The following GALNTL6 variants were observed in gnomAD, a reference collection of about 807,000 sequenced individuals.
The protein encoded by GALNTL6 is polypeptide N-acetylgalactosaminyltransferase-like 6.
Under a neutral mutation model 73.7 loss-of-function variants are expected in GALNTL6, and 46 were observed. The ratio of observed to expected loss-of-function variants is 0.62; its 90% CI spans 0.49 to 0.80. The LOEUF is 0.80. Ranked by LOEUF, GALNTL6 falls within the 30% of genes least tolerant of loss-of-function variation. The pLI is 0.00. For synonymous variants in GALNTL6, 259 were observed against 263.7 expected, an observed-to-expected ratio of 0.98 and a Z score of 0.17; for missense variants, 604 against 755.0, an observed-to-expected ratio of 0.80 and a Z score of 2.34.
chr4:172,311,511 G>A (rs1372180724), intron 3 of GALNTL6, 103 bp from the exon 4 acceptor site: 14 of 878,614 alleles, frequency 1.6e-5, no homozygotes, highest in Non-Finnish European at 2.0e-5. Context: ...CTTCTGCAGA[G>A]CACAGCAATA....
intron 5 of GALNTL6, among the ~76,000 whole-genome samples, chr4:172,568,030 A>G (rs1218120764): frequency 6.6e-6 from 1 of 152,220 alleles, no homozygotes; most frequent in South Asian, 2.1e-4. Context: ...CTTAATTCAC[A>G]CCCAGAAGAC....
At chr4:172,053,283 T>TA (rs66918444) in intron 2 of GALNTL6, among the ~76,000 whole-genome samples, 2 of 152,102 alleles carry the variant, frequency 1.3e-5, no homozygotes, top group South Asian at 4.1e-4. Flanking sequence ...GGTGTTTTTT[T>TA]AAAAAAAACA....
At chr4:172,630,919 G>A (rs1339056600) in intron 5 of GALNTL6, among the ~76,000 whole-genome samples, 1 of 151,010 alleles carries the variant, frequency 6.6e-6, no homozygotes, top group Non-Finnish European at 1.5e-5. Flanking sequence ...AAAGAAAATT[G>A]GCCAACAGAA....
intron 2 of GALNTL6, among the ~76,000 whole-genome samples, chr4:172,105,805 T>C (rs1732658829): frequency 6.6e-6 from 1 of 152,080 alleles, no homozygotes; most frequent in Admixed American, 6.5e-5. Context: ...CATGTTGAAA[T>C]AAGCAGCATG....
intron 5 of GALNTL6, among the ~76,000 whole-genome samples, chr4:172,447,764 G>A (rs1267881236): frequency 6.6e-6 from 1 of 152,062 alleles, no homozygotes; most frequent in Non-Finnish European, 1.5e-5. Context: ...ACTGCTTAAT[G>A]TGGGTCAGAG....
chr4:172,121,310 C>T (rs1181668671), intron 2 of GALNTL6, among the ~76,000 whole-genome samples: 1 of 133,074 alleles, frequency 7.5e-6, no homozygotes, highest in Admixed American at 7.5e-5. Context: ...TTTGTAATTA[C>T]ATTTGCACAA....
At chr4:172,695,796 GAA>G (rs1343008051) in intron 5 of GALNTL6, among the ~76,000 whole-genome samples, 1 of 151,720 alleles carries the variant, frequency 6.6e-6, no homozygotes, top group Non-Finnish European at 1.5e-5. Flanking sequence ...AAATTACAAA[GAA>G]AAAAATTAGC....
intron 2 of GALNTL6, among the ~76,000 whole-genome samples, chr4:172,219,199 G>GTATATATATATATATATATATA (rs34783084): frequency 0.036 from 4,162 of 115,080 alleles, 166 homozygotes; most frequent in Middle Eastern, 0.042. Flanking sequence ...TTAAGCAAGT[G>GTATATATATATATATATATATA]TATATATATA....
intron 5 of GALNTL6, among the ~76,000 whole-genome samples, chr4:172,626,999 C>A (rs1395988618): frequency 6.6e-6 from 1 of 151,926 alleles, no homozygotes; most frequent in Admixed American, 6.6e-5. Context: ...ATATCTCTTG[C>A]CTGATTGCTT....
intron 2 of GALNTL6, among the ~76,000 whole-genome samples, chr4:171,880,405 C>G (rs998334200): frequency 1.3e-5 from 2 of 152,218 alleles, no homozygotes; most frequent in Non-Finnish European, 2.9e-5. Context: ...CCATATGAAT[C>G]AGATGTTTGT....
intron 5 of GALNTL6, among the ~76,000 whole-genome samples, chr4:172,722,826 C>T (rs1735563417): frequency 6.6e-6 from 1 of 152,120 alleles, no homozygotes; most frequent in East Asian, 1.9e-4. Flanking sequence ...AATTTAGCAA[C>T]ATGTTGGAGA....
At chr4:172,014,904 T>C (rs1741137298) in intron 2 of GALNTL6, among the ~76,000 whole-genome samples, 1 of 152,104 alleles carries the variant, frequency 6.6e-6, no homozygotes, top group African/African-American at 2.4e-5. Context: ...TCCACAGTGG[T>C]CTGAGAGGGT....
chr4:171,989,918 G>A (rs1232574677), intron 2 of GALNTL6, among the ~76,000 whole-genome samples: 1 of 152,136 alleles, frequency 6.6e-6, no homozygotes, highest in Non-Finnish European at 1.5e-5. Flanking sequence ...AAAGAAAAAG[G>A]AGCATTAACC....
At chr4:172,884,698 C>T (rs1053626862) in intron 8 of GALNTL6, among the ~76,000 whole-genome samples, 1 of 152,128 alleles carries the variant, frequency 6.6e-6, no homozygotes, top group East Asian at 1.9e-4. Flanking sequence ...TGTGCCCAGA[C>T]CAATGTCCTG....
chr4:172,610,819 T>A (rs753748312), intron 5 of GALNTL6, among the ~76,000 whole-genome samples: 12 of 152,176 alleles, frequency 7.9e-5, no homozygotes, highest in Non-Finnish European at 1.8e-4. Flanking sequence ...TGTGGGAGTC[T>A]AAGGCTTTTT....
intron 5 of GALNTL6, among the ~76,000 whole-genome samples, chr4:172,594,697 G>C (rs962552443): frequency 2.5e-4 from 38 of 152,062 alleles, no homozygotes; most frequent in African/African-American, 8.2e-4. Context: ...ATTTTAATTT[G>C]AAAAAGGATC....
At chr4:172,122,628 C>T (rs1733183324) in intron 2 of GALNTL6, among the ~76,000 whole-genome samples, 1 of 152,146 alleles carries the variant, frequency 6.6e-6, no homozygotes, top group Non-Finnish European at 1.5e-5. Context: ...TAGAGGAGTA[C>T]ACATGCTCAC....
chr4:172,147,022 A>G (rs6852175), intron 2 of GALNTL6, among the ~76,000 whole-genome samples: 68,114 of 151,996 alleles, frequency 0.45, 15,973 homozygotes, highest in African/African-American at 0.57. Context: ...ACAGTTACAG[A>G]TAACAGTTCA....
intron 5 of GALNTL6, among the ~76,000 whole-genome samples, chr4:172,679,519 G>A (rs1454193765): frequency 1.3e-5 from 2 of 151,972 alleles, no homozygotes; most frequent in East Asian, 3.9e-4. Flanking sequence ...TTGACAGAGT[G>A]GGCCTATTGC....
Sources: allele counts gnomAD v4.1 joint callset (sites outside exome capture counted in the v4.1 genomes callset), GRCh38; gene constraint gnomAD v4.1.1; transcripts MANE v1.5; gene names NCBI Gene and HGNC (gene_info 2026-07-23, HGNC 2026-07-21).